The following NEGR1 variants were observed in gnomAD, a reference collection of about 807,000 sequenced individuals.
The protein encoded by NEGR1 is neuronal growth regulator 1.
Under a neutral mutation model 40.9 loss-of-function variants are expected in NEGR1, and 10 were observed. The observed-to-expected ratio is 0.24, with a 90% CI of 0.15 to 0.42. The LOEUF (loss-of-function observed/expected upper bound fraction) is 0.42. Ranked by LOEUF, NEGR1 falls within the 10% of genes least tolerant of loss-of-function variation. The pLI is 1.00. For missense variants in NEGR1, 352 were observed against 438.9 expected (o/e 0.80, Z 1.77); for synonymous variants, 185 against 166.8 (o/e 1.11, Z -0.84).
chr1:72,189,056 A>G (rs918047229), intron 1 of NEGR1, among the ~76,000 whole-genome samples: 1 of 151,582 alleles, frequency 6.6e-6, no homozygotes, highest in Non-Finnish European at 1.5e-5. Context: ...CACTTTCAAT[A>G]GTTTGTCAAC....
intron 2 of NEGR1, among the ~76,000 whole-genome samples, chr1:71,912,052 G>A (rs957553406): frequency 3.1e-4 from 47 of 152,144 alleles, no homozygotes; most frequent in African/African-American, 1.1e-3. Context: ...TATATTATAT[G>A]TCTGTGGCTG....
chr1:71,478,729 T>C (rs1372382752), intron 6 of NEGR1, among the ~76,000 whole-genome samples: 1 of 151,976 alleles, frequency 6.6e-6, no homozygotes, highest in Non-Finnish European at 1.5e-5. Flanking sequence ...CCTCTTGCTT[T>C]CCCCCAATGG....
At chr1:72,179,210 T>A (rs1372861563) in intron 1 of NEGR1, among the ~76,000 whole-genome samples, 1 of 152,078 alleles carries the variant, frequency 6.6e-6, no homozygotes, top group African/African-American at 2.4e-5. Flanking sequence ...TCCCTTTCAA[T>A]CCTGCATATG....
intron 2 of NEGR1, among the ~76,000 whole-genome samples, chr1:71,785,418 A>G (rs997484608): frequency 1.3e-5 from 2 of 151,986 alleles, no homozygotes; most frequent in African/African-American, 4.8e-5. Flanking sequence ...TGATGGTAAC[A>G]TTTTATTAAG....
chr1:71,728,208 G>A (rs572586824), intron 3 of NEGR1, among the ~76,000 whole-genome samples: 2 of 152,258 alleles, frequency 1.3e-5, no homozygotes, highest in African/African-American at 4.8e-5. Context: ...AGAGACCAGG[G>A]TGGGTGGAAT....
chr1:71,754,881 A>G (rs1655682048), intron 3 of NEGR1, among the ~76,000 whole-genome samples: 2 of 152,116 alleles, frequency 1.3e-5, no homozygotes, highest in Admixed American at 6.5e-5. Context: ...ACTCTTTCTC[A>G]GTCTCTTGCT....
chr1:72,061,020 C>T (rs1445718999), intron 1 of NEGR1, among the ~76,000 whole-genome samples: 2 of 151,576 alleles, frequency 1.3e-5, no homozygotes, highest in African/African-American at 4.8e-5. Context: ...TGAATATATC[C>T]TGTCTCAAAA....
intron 6 of NEGR1, among the ~76,000 whole-genome samples, chr1:71,590,639 T>A (rs1649467022): frequency 2.0e-5 from 3 of 152,168 alleles, no homozygotes; most frequent in Admixed American, 2.0e-4. Flanking sequence ...CTAAGTTTCC[T>A]TTTCTAGAAG....
intron 1 of NEGR1, among the ~76,000 whole-genome samples, chr1:71,982,762 G>C (rs912250688): frequency 6.6e-6 from 1 of 152,114 alleles, no homozygotes; most frequent in Non-Finnish European, 1.5e-5. Context: ...TTTAATTAGA[G>C]AGTGCCTGCC....
chr1:71,813,709 T>C (rs1658090296), intron 2 of NEGR1, among the ~76,000 whole-genome samples: 1 of 152,038 alleles, frequency 6.6e-6, no homozygotes, highest in African/African-American at 2.4e-5. Context: ...TGAATGGGAG[T>C]TCATTCAAGA....
chr1:71,434,221 A>G (rs1435403538), intron 6 of NEGR1, among the ~76,000 whole-genome samples: 1 of 152,238 alleles, frequency 6.6e-6, no homozygotes, highest in African/African-American at 2.4e-5. Context: ...AATGCATATA[A>G]TATATGAAGA....
chr1:71,609,371 C>T (rs1217718808), intron 5 of NEGR1, among the ~76,000 whole-genome samples: 3 of 150,672 alleles, frequency 2.0e-5, no homozygotes, highest in Admixed American at 6.6e-5. Context: ...AAAAATAAGC[C>T]GGGCGTGGTG....
At chr1:71,410,913 A>C (rs1318206630) in intron 6 of NEGR1, among the ~76,000 whole-genome samples, 1 of 152,210 alleles carries the variant, frequency 6.6e-6, no homozygotes. Context: ...ACTGGGCTGA[A>C]ATATTACTTA....
chr1:72,163,134 T>C (rs1311725234), intron 1 of NEGR1, among the ~76,000 whole-genome samples: 3 of 152,188 alleles, frequency 2.0e-5, no homozygotes, highest in Non-Finnish European at 4.4e-5. Flanking sequence ...ATTCACTAAA[T>C]TGTTGCAGTG....
intron 6 of NEGR1, among the ~76,000 whole-genome samples, chr1:71,504,463 C>T (rs1225260539): frequency 1.3e-5 from 2 of 151,974 alleles, no homozygotes; most frequent in African/African-American, 4.8e-5. Flanking sequence ...ACTCCTAAGA[C>T]TATGAGTAAA....
At chr1:72,012,812 T>C (rs1004779046) in intron 1 of NEGR1, among the ~76,000 whole-genome samples, 4 of 140,320 alleles carry the variant, frequency 2.9e-5, no homozygotes, top group Non-Finnish European at 6.3e-5. Flanking sequence ...TGTATATATA[T>C]ATATACACAC....
chr1:72,233,526 A>G (rs1402535472), intron 1 of NEGR1, among the ~76,000 whole-genome samples: 1 of 152,084 alleles, frequency 6.6e-6, no homozygotes, highest in Non-Finnish European at 1.5e-5. Context: ...CCTCATGCTT[A>G]TAAGTAAAAA....
chr1:71,675,124 T>C lies in NEGR1; in HGVS notation c.667+22884A>G, dbSNP rs200246641. ...ATGCATGTTTATTCATATATATATA[T>C]ATACACACACACATATGAATTCTTA... On this transcript the variant is annotated intron_variant, in intron 4 of 6. Coordinates refer to ENST00000357731, the MANE Select transcript of NEGR1 (RefSeq NM_173808.3). Among the ~76,000 whole-genome samples, 3 of 59,088 alleles carry C rather than the reference T, an allele frequency of 5.1e-5. No individual in the cohort carries two copies. The Admixed American group carries it at 5.7e-4, about 11-fold the overall frequency. 38.8% of individuals were successfully genotyped at this position (59,088 alleles called of 152,430 possible). A position where few individuals can be genotyped will look rare whatever the true frequency, so the allele number is the denominator to read the frequency against.
chr1:71,874,471 T>C lies in NEGR1; in HGVS notation c.409+60608A>G, dbSNP rs373309519. 3.9e-5 allele frequency among the ~76,000 whole-genome samples: 6 copies of C among 152,318 alleles called. No homozygotes were observed. In the South Asian group the frequency reaches 1.0e-3, roughly 26 times the overall value. ...CTGTCTAGCAAGGTTTGTGGGTCTC[T>C]ATCTTCTTCAACTGCAAACTTCCAC... On this transcript the variant is annotated intron_variant, in intron 2 of 6. Transcript: ENST00000357731.
Sources: allele counts gnomAD v4.1 joint callset (sites outside exome capture counted in the v4.1 genomes callset), GRCh38; gene constraint gnomAD v4.1.1; transcripts MANE v1.5; gene names NCBI Gene and HGNC (gene_info 2026-07-23, HGNC 2026-07-21).